Variants in KDM3B observed in about 807,000 individuals in gnomAD.
KDM3B encodes the protein lysine-specific demethylase 3B.
A neutral mutation model predicts 170.0 loss-of-function variants in KDM3B; 10 were observed. The observed-to-expected ratio is 0.06, with a 90% confidence interval of 0.04 to 0.10. The LOEUF is 0.10. Ranked by LOEUF, KDM3B falls within the 10% of genes least tolerant of loss-of-function variation. The pLI is 1.00. For synonymous variants in KDM3B, 831 were observed against 834.8 expected (o/e 1.00, Z 0.08); for missense variants, 1,394 against 2,195.2 (o/e 0.64, Z 7.29).
intron 14 of KDM3B, among the ~76,000 whole-genome samples, chr5:138,419,588 C>G (rs1763201812): frequency 6.9e-6 from 1 of 144,352 alleles, no homozygotes; most frequent in Non-Finnish European, 1.5e-5. Context: ...CTGGGGGGCA[C>G]AGCCTGCAGT....
At position 138,427,074 on chromosome 5, in the gene KDM3B, C is replaced by A. The variant is rs954909745; in HGVS notation, c.4502+9C>A. The A allele has an allele frequency of 6.2e-6, 10 of 1,612,884 alleles. No homozygotes were observed. The Admixed American group carries it at 1.3e-4, about 22-fold the overall frequency. On this transcript the variant is annotated intron_variant, in intron 18 of 23. Coordinates refer to ENST00000314358, the MANE Select transcript of KDM3B (RefSeq NM_016604.4). ...GACATGATGCCAACCAGGTTAGTGA[C>A]CTGCAGTGGTGTCATCTTCAGAAGC... is the stretch of plus-strand genomic sequence containing the variant.
intron 20 of KDM3B, 87 bp downstream of exon 20, chr5:138,428,173 C>A: frequency 5.1e-6 from 6 of 1,178,346 alleles, no homozygotes; most frequent in Non-Finnish European, 7.0e-6. Flanking sequence ...GGGCCAGTGG[C>A]TTTTCCTTTT....
intron 7 of KDM3B, among the ~76,000 whole-genome samples, chr5:138,387,504 G>A (rs954714245): frequency 6.6e-6 from 1 of 152,182 alleles, no homozygotes; most frequent in Non-Finnish European, 1.5e-5. Flanking sequence ...ATTTGAAGGA[G>A]CTCACATCCT....
chr5:138,398,007 T>C (rs144596783), intron 9 of KDM3B, 171 bp from the exon 10 acceptor site: 12 of 568,282 alleles, frequency 2.1e-5, no homozygotes, highest in African/African-American at 3.8e-5. Flanking sequence ...CTAAATGTTA[T>C]GTTAACAAGC....
intron 11 of KDM3B, among the ~76,000 whole-genome samples, chr5:138,403,706 C>T (rs2065375735): frequency 6.8e-6 from 1 of 146,714 alleles, no homozygotes; most frequent in Non-Finnish European, 1.5e-5. Context: ...TAGAAAAGAA[C>T]CTTAAGCCAG....
intron 4 of KDM3B, among the ~76,000 whole-genome samples, chr5:138,378,185 T>G (rs887363371): frequency 1.3e-5 from 2 of 152,192 alleles, no homozygotes; most frequent in Non-Finnish European, 2.9e-5. Context: ...TCTGGTTCAT[T>G]CTGCATTTCA....
At chr5:138,389,573 A>C (rs142337445) in intron 7 of KDM3B, among the ~76,000 whole-genome samples, 3 of 152,164 alleles carry the variant, frequency 2.0e-5, no homozygotes, top group Non-Finnish European at 2.9e-5. Context: ...TCATCACCCC[A>C]AAAGGAAAAC....
In KDM3B at chr5:138,391,483, T is replaced by A. The variant is rs1348600991; in HGVS notation, c.1851T>A (p.Asn617Lys). 6.2e-7 allele frequency: 1 copy of A among 1,614,072 alleles called. No individual in the cohort carries two copies. The highest frequency in any genetic ancestry group is 8.5e-7 in the Non-Finnish European group (1 of 1,180,010). ...RSLLNARTPE[N>K]HENLFLQPPK... Reference sequence around the variant, plus strand: ...TCCTAAATGCCCGTACCCCAGAGAATCATGAAAATCTATTTTTACAGCCCC... The same window carrying A: ...TCCTAAATGCCCGTACCCCAGAGAAACATGAAAATCTATTTTTACAGCCCC... Residue 617 changes from asparagine (N) to lysine (K), a missense_variant, in exon 8 of 24, where the codon AAT (asparagine) becomes AAA (lysine). Physicochemically the swap from Asn to Lys is moderately conservative, Grantham distance 94. Coordinates refer to ENST00000314358, the MANE Select transcript of KDM3B (RefSeq NM_016604.4). This position sits in a 1 kb window ranked among gnomAD's most constrained non-coding sequence, Gnocchi z 5.0.
intron 13 of KDM3B, 110 bp downstream of exon 13, chr5:138,417,720 T>C: frequency 8.7e-7 from 1 of 1,147,216 alleles, no homozygotes; most frequent in Non-Finnish European, 1.3e-6. Flanking sequence ...TCCTGAGGAA[T>C]CAGGAGATGG....
intron 23 of KDM3B, among the ~76,000 whole-genome samples, chr5:138,434,915 C>A (rs1763635818): frequency 6.6e-6 from 1 of 152,214 alleles, no homozygotes; most frequent in South Asian, 2.1e-4. Context: ...AGCACACATA[C>A]ATATACAGCA....
intron 11 of KDM3B, among the ~76,000 whole-genome samples, chr5:138,408,764 A>C (rs1472127901): frequency 6.6e-6 from 1 of 152,228 alleles, no homozygotes; most frequent in African/African-American, 2.4e-5. Flanking sequence ...GCAGTCCACT[A>C]TATTAGTAGA....
chr5:138,366,328 C>G (rs1427341092), intron 1 of KDM3B, among the ~76,000 whole-genome samples: 2 of 151,352 alleles, frequency 1.3e-5, no homozygotes, highest in African/African-American at 4.9e-5. Context: ...TTTCCTTTTT[C>G]TTTCCTTCTT....
At chr5:138,402,676 A>C (rs943101596) in intron 11 of KDM3B, among the ~76,000 whole-genome samples, 5 of 152,236 alleles carry the variant, frequency 3.3e-5, no homozygotes, top group Admixed American at 2.0e-4. Flanking sequence ...TGAGAAAACT[A>C]GATAAAATAT....
chr5:138,375,512 G>A (rs1761975162), intron 3 of KDM3B, among the ~76,000 whole-genome samples: 1 of 151,806 alleles, frequency 6.6e-6, no homozygotes, highest in Non-Finnish European at 1.5e-5. Context: ...CGAGTAGCTG[G>A]GACTACAGGC....
At chr5:138,374,409 C>T in intron 2 of KDM3B, 2 of 325,782 alleles carry the variant, frequency 6.1e-6, no homozygotes, top group Non-Finnish European at 1.2e-5. Context: ...CAGGCGCCCA[C>T]CACCACTCCC....
At chr5:138,429,094 TTTTTC>T (rs1260201476) in intron 20 of KDM3B, among the ~76,000 whole-genome samples, 2 of 151,820 alleles carry the variant, frequency 1.3e-5, no homozygotes, top group East Asian at 3.9e-4. Context: ...CATTTGCCTT[TTTTTC>T]TTTTCTTTTT....
intron 12 of KDM3B, 81 bp downstream of exon 12, chr5:138,415,320 G>T: frequency 4.0e-6 from 3 of 753,132 alleles, no homozygotes; most frequent in South Asian, 2.2e-5. Context: ...TTTTTGAAAT[G>T]ATTTAGCCTC....
chr5:138,384,340 C>A (rs963286921), intron 6 of KDM3B, among the ~76,000 whole-genome samples: 1 of 152,020 alleles, frequency 6.6e-6, no homozygotes, highest in Non-Finnish European at 1.5e-5. Context: ...TGGCTCATAC[C>A]TGTAATCCCA....
intron 17 of KDM3B, 52 bp from the exon 18 acceptor site, chr5:138,426,923 C>T (rs562879988): frequency 3.2e-5 from 43 of 1,337,976 alleles, no homozygotes; most frequent in Admixed American, 1.4e-4. Flanking sequence ...TGTTGAAAAT[C>T]GGACACCAGC....
Sources: gnomAD v4.1 joint callset for allele counts (sites outside exome capture counted in the v4.1 genomes callset) on GRCh38, gnomAD v4.1.1 for gene constraint, Gnocchi (gnomAD v3.1) non-coding constraint, MANE v1.5 for transcripts, NCBI Gene and HGNC (gene_info 2026-07-23, HGNC 2026-07-21) for gene names.